The following ERC2 variants were observed in gnomAD, a reference collection of about 807,000 sequenced individuals.
ERC2 encodes ERC protein 2.
A neutral mutation model predicts 114.8 loss-of-function variants in ERC2; 42 were observed. The ratio of observed to expected loss-of-function variants is 0.37; its 90% CI spans 0.29 to 0.47. The LOEUF is 0.47. Ranked by LOEUF, ERC2 falls within the 20% of genes least tolerant of loss-of-function variation. The pLI, the probability that ERC2 is intolerant of heterozygous loss-of-function variation, is 0.99. For missense variants in ERC2, 939 were observed against 1,150.7 expected (o/e 0.82, Z 2.66); for synonymous variants, 454 against 425.5 (o/e 1.07, Z -0.82).
intron 17 of ERC2, among the ~76,000 whole-genome samples, chr3:55,519,379 G>A (rs1182161400): frequency 6.6e-6 from 1 of 152,190 alleles, no homozygotes; most frequent in Non-Finnish European, 1.5e-5. Context: ...CACATGGCTG[G>A]CTATGGATGT....
intron 17 of ERC2, among the ~76,000 whole-genome samples, chr3:55,582,226 T>C (rs1282031478): frequency 1.3e-5 from 2 of 152,258 alleles, no homozygotes; most frequent in Non-Finnish European, 2.9e-5. Context: ...TATTGTGAAC[T>C]CTGGTTTCAC....
chr3:55,559,104 G>A (rs920557097), intron 17 of ERC2, among the ~76,000 whole-genome samples: 3 of 152,174 alleles, frequency 2.0e-5, no homozygotes, highest in African/African-American at 2.4e-5. Flanking sequence ...CCTGGAGCAG[G>A]GCATGGCCTT....
intron 13 of ERC2, among the ~76,000 whole-genome samples, chr3:55,923,357 A>C (rs1553735835): frequency 6.6e-6 from 1 of 152,072 alleles, no homozygotes; most frequent in Non-Finnish European, 1.5e-5. Context: ...CAGAAAATAA[A>C]ACACAGGTTG....
chr3:55,969,392 TAC>T (rs10555030), intron 12 of ERC2, among the ~76,000 whole-genome samples: 28,308 of 140,342 alleles, frequency 0.2, 2,946 homozygotes, highest in East Asian at 0.47. Context: ...TTTATACACA[TAC>T]ACACACACAC....
intron 14 of ERC2, among the ~76,000 whole-genome samples, chr3:55,774,097 G>A (rs1057293955): frequency 6.6e-6 from 1 of 152,088 alleles, no homozygotes; most frequent in Non-Finnish European, 1.5e-5. Context: ...CTGAGACCTG[G>A]AGCACCCTCA....
chr3:55,838,420 A>C (rs2149209235), intron 14 of ERC2, among the ~76,000 whole-genome samples: 1 of 152,254 alleles, frequency 6.6e-6, no homozygotes, highest in South Asian at 2.1e-4. Flanking sequence ...GAAAATCCCC[A>C]AATATTTGAA....
chr3:55,628,588 A>G (rs1257561302), intron 17 of ERC2, among the ~76,000 whole-genome samples: 56 of 152,216 alleles, frequency 3.7e-4, no homozygotes, highest in Admixed American at 3.7e-3. Flanking sequence ...ATCAATCAGT[A>G]GCCAAGAAAT....
At chr3:55,556,579 G>C (rs910686873) in intron 17 of ERC2, among the ~76,000 whole-genome samples, 1 of 152,178 alleles carries the variant, frequency 6.6e-6, no homozygotes, top group Admixed American at 6.5e-5. Context: ...GAATTTTGCT[G>C]AACTACTGCA....
At chr3:56,218,475 A>G (rs575648977) in intron 3 of ERC2, among the ~76,000 whole-genome samples, 146 of 152,360 alleles carry the variant, frequency 9.6e-4, no homozygotes, top group Non-Finnish European at 4.3e-4. Context: ...GCGATCATTA[A>G]AAAGTCAGGG....
At chr3:56,225,336 T>C (rs2050182219) in intron 3 of ERC2, among the ~76,000 whole-genome samples, 1 of 152,134 alleles carries the variant, frequency 6.6e-6, no homozygotes, top group South Asian at 2.1e-4. Flanking sequence ...ACATAATAGT[T>C]CTCACAGAAC....
At chr3:55,864,126 CACAT>C (rs1238847451) in intron 14 of ERC2, among the ~76,000 whole-genome samples, 5 of 116,740 alleles carry the variant, frequency 4.3e-5, no homozygotes, top group African/African-American at 7.2e-5. Context: ...TATACACACA[CACAT>C]ATATATATAC....
At chr3:55,764,184 A>C (rs575326232) in intron 14 of ERC2, among the ~76,000 whole-genome samples, 1 of 152,354 alleles carries the variant, frequency 6.6e-6, no homozygotes, top group South Asian at 2.1e-4. Flanking sequence ...AATTTTAAAA[A>C]AGTGTTTATC....
chr3:56,208,040 T>C (rs2048844764), intron 3 of ERC2, among the ~76,000 whole-genome samples: 1 of 152,228 alleles, frequency 6.6e-6, no homozygotes, highest in Non-Finnish European at 1.5e-5. Context: ...GCATGCAAAC[T>C]AGCTGGCAAC....
At chr3:55,686,974 A>G (rs2062366566) in intron 16 of ERC2, among the ~76,000 whole-genome samples, 2 of 152,204 alleles carry the variant, frequency 1.3e-5, no homozygotes, top group South Asian at 4.1e-4. Flanking sequence ...AACCCAGCAA[A>G]TTCTGAAGGG....
intron 17 of ERC2, among the ~76,000 whole-genome samples, chr3:55,646,006 G>T (rs2060381486): frequency 6.6e-6 from 1 of 152,122 alleles, no homozygotes; most frequent in African/African-American, 2.4e-5. Flanking sequence ...AAGCCCTTGA[G>T]AATTAGTCTA....
chr3:56,298,244 C>G (rs1277656267), intron 2 of ERC2, among the ~76,000 whole-genome samples: 1 of 152,180 alleles, frequency 6.6e-6, no homozygotes. Flanking sequence ...CTGTTATGGA[C>G]CTTTCATATC....
At chr3:56,032,899 GACAGAAAGAA>G (rs1354402219) in intron 7 of ERC2, among the ~76,000 whole-genome samples, 1 of 81,882 alleles carries the variant, frequency 1.2e-5, no homozygotes, top group African/African-American at 4.3e-5. Flanking sequence ...GAGAGAGAGA[GACAGAAAGAA>G]AGAAAGAAAG....
At chr3:56,259,946 G>A (rs769317160) in intron 3 of ERC2, among the ~76,000 whole-genome samples, 4 of 152,150 alleles carry the variant, frequency 2.6e-5, no homozygotes, top group African/African-American at 7.2e-5. Context: ...TGGAACCCCC[G>A]ATAGGCTCGG....
chr3:55,803,102 T>C (rs574205283), intron 14 of ERC2, among the ~76,000 whole-genome samples: 32 of 152,346 alleles, frequency 2.1e-4, no homozygotes, highest in Admixed American at 1.0e-3. Flanking sequence ...AAGGTCATGC[T>C]TGGCTTCAAA....
Sources: gnomAD v4.1 joint callset for allele counts (sites outside exome capture counted in the v4.1 genomes callset) on GRCh38, gnomAD v4.1.1 for gene constraint, MANE v1.5 for transcripts, NCBI Gene and HGNC (gene_info 2026-07-23, HGNC 2026-07-21) for gene names.